ARHGEF12: variants seen among roughly 807,000 people sequenced by gnomAD.
The protein encoded by ARHGEF12 is Rho guanine nucleotide exchange factor 12, also known as KMT2A/ARHGEF12 fusion protein.
A neutral mutation model predicts 211.2 loss-of-function variants in ARHGEF12; 66 were observed. That is an observed-to-expected ratio of 0.31 (90% CI 0.26 to 0.38). ARHGEF12 has a LOEUF of 0.38. Among genes scored for constraint, ARHGEF12 ranks in the 10% least tolerant of loss-of-function variants. ARHGEF12 has a pLI of 1.00. For synonymous variants in ARHGEF12, 592 were observed against 638.4 expected, an observed-to-expected ratio of 0.93 and a Z score of 1.09; for missense variants, 1,429 against 1,869.5, an observed-to-expected ratio of 0.76 and a Z score of 4.34.
intron 1 of ARHGEF12, among the ~76,000 whole-genome samples, chr11:120,344,087 G>A (rs1166213872): frequency 6.6e-6 from 1 of 151,854 alleles, no homozygotes; most frequent in Non-Finnish European, 1.5e-5. Flanking sequence ...TCAGCATGGT[G>A]AAACCCTGTC....
At chr11:120,472,227 T>C (rs1946890112) in intron 30 of ARHGEF12, among the ~76,000 whole-genome samples, 1 of 152,114 alleles carries the variant, frequency 6.6e-6, no homozygotes, top group Non-Finnish European at 1.5e-5. Context: ...GAATATATTA[T>C]GCTACCATAT....
chr11:120,449,292 A>G lies in ARHGEF12; in HGVS notation c.1843+78A>G, dbSNP rs976145697. ...TCAGAGGCTTCTTCAGCTAGAATGA[A>G]TTTCTGGAGAAAGGAGTTGTTAGGA... On this transcript the variant is annotated intron_variant, in intron 21 of 40. Transcript: ENST00000397843. 3.4e-6 allele frequency: 4 copies of G among 1,159,454 alleles called. No individual in the cohort carries two copies. The Admixed American group carries it at 6.9e-5, about 20-fold the overall frequency. 71.8% of individuals were successfully genotyped at this position (1,159,454 alleles called of 1,614,324 possible).
Position 120,485,959 on chromosome 11 carries a change from C to G in ARHGEF12, c.*882C>G, listed in dbSNP as rs1947386975. The G allele has an allele frequency of 1.3e-5, 3 of 232,386 alleles. No individual in the cohort carries two copies. The highest frequency in any genetic ancestry group is 2.6e-5 in the Non-Finnish European group (3 of 117,358). 14.4% of individuals were successfully genotyped at this position (232,386 alleles called of 1,614,324 possible). ...ACTATAAATTTGTTATTCTTGGTAT[C>G]ATTTCATTTTTATAATTATACATTA... On this transcript the variant is annotated 3_prime_UTR_variant, in exon 41 of 41. Coordinates refer to ENST00000397843, the MANE Select transcript of ARHGEF12 (RefSeq NM_015313.3).
At position 120,465,096 on chromosome 11, in the gene ARHGEF12, A is replaced by G. The variant is rs1429294076; in HGVS notation, c.2614-141A>G. Reference sequence around the variant, plus strand: ...GATCAGACCTTTTTAATGGAGAACCATTGATATTCCACATAGATATGCAGT... The same window carrying G: ...GATCAGACCTTTTTAATGGAGAACCGTTGATATTCCACATAGATATGCAGT... On this transcript the variant is annotated intron_variant, in intron 27 of 40. Transcript: ENST00000397843. The G allele has an allele frequency of 5.1e-5, 53 of 1,037,122 alleles. No individual in the cohort carries two copies. In the South Asian group the frequency reaches 7.9e-4, roughly 16 times the overall value. The allele number at this position is 1,037,122 out of a possible 1,614,324, so 64.2% of individuals were successfully genotyped here.
chr11:120,429,953 G>A, intron 10 of ARHGEF12, 122 bp downstream of exon 10: 1 of 1,083,914 alleles, frequency 9.2e-7, no homozygotes, highest in Non-Finnish European at 1.3e-6. Context: ...ACAACAGGAT[G>A]TCCTGTTAAG....
chr11:120,386,384 G>T (rs1239139532), intron 1 of ARHGEF12, among the ~76,000 whole-genome samples: 1 of 152,110 alleles, frequency 6.6e-6, no homozygotes, highest in African/African-American at 2.4e-5. Flanking sequence ...AAGCATTTAA[G>T]TGCTACAGAC....
chr11:120,489,157 T>TTA lies in ARHGEF12; in HGVS notation c.*4080_*4081insTA, dbSNP rs890813576. 4.4e-6 allele frequency: 1 copy of TTA among 227,104 alleles called. No individual in the cohort carries two copies. Among genetic ancestry groups the TTA allele is most frequent in the African/African-American group, 2.2e-5 (1 of 44,986 alleles). 14.1% of individuals were successfully genotyped at this position (227,104 alleles called of 1,614,324 possible). A position where few individuals can be genotyped will look rare whatever the true frequency, so the allele number is the denominator to read the frequency against. On this transcript the variant is annotated 3_prime_UTR_variant, in exon 41 of 41. Transcript: ENST00000397843. ...AGTGACTGTCAGACATCTTCCTGCT[T>TTA]ATTAGAGCATCCCTAGCAACAAGGC... is the stretch of plus-strand genomic sequence containing the variant.
chr11:120,455,860 T>C (rs568647515), intron 22 of ARHGEF12, among the ~76,000 whole-genome samples: 1 of 152,298 alleles, frequency 6.6e-6, no homozygotes, highest in East Asian at 1.9e-4. Flanking sequence ...CATTTAGAAA[T>C]GTTAAGAAAA....
At position 120,457,221 on chromosome 11, in the gene ARHGEF12, A is replaced by G. The variant is rs1316111574; in HGVS notation, c.2160A>G (p.Gln720=). Residue 720 remains glutamine (Q), a synonymous_variant, in exon 23 of 41, where the codon CAA becomes CAG. Transcript: ENST00000397843. Reference sequence around the variant, plus strand: ...ATTTCCCACCACCTCCATTAGACCAAGTGCAGGAGGAGGAATGTGAAGTAG... The same window carrying G: ...ATTTCCCACCACCTCCATTAGACCAGGTGCAGGAGGAGGAATGTGAAGTAG... ...VFDFPPPPLD[Q]VQEEECEVER... The G allele has an allele frequency of 6.2e-7, 1 of 1,614,102 alleles. No individual in the cohort carries two copies. The highest frequency in any genetic ancestry group is 2.2e-5 in the East Asian group (1 of 44,876).
intron 12 of ARHGEF12, chr11:120,439,587 G>T (rs1430463928): frequency 6.6e-6 from 1 of 152,224 alleles, no homozygotes; most frequent in African/African-American, 2.4e-5. Context: ...CATAGAGTTC[G>T]ATGATAGCCT....
intron 1 of ARHGEF12, among the ~76,000 whole-genome samples, chr11:120,362,766 A>AT (rs1943311554): frequency 6.6e-6 from 1 of 152,222 alleles, no homozygotes; most frequent in South Asian, 2.1e-4. Flanking sequence ...AGGACAGTTT[A>AT]TACCAGAAAG....
At chr11:120,432,478 C>G (rs1210249242) in intron 11 of ARHGEF12, among the ~76,000 whole-genome samples, 1 of 152,070 alleles carries the variant, frequency 6.6e-6, no homozygotes, top group Non-Finnish European at 1.5e-5. Context: ...ATATGAATAC[C>G]TAAAAGCTAA....
At chr11:120,477,330 A>G (rs1268590020) in intron 35 of ARHGEF12, 25 bp downstream of exon 35, 1 of 1,611,488 alleles carries the variant, frequency 6.2e-7, no homozygotes, top group Non-Finnish European at 8.5e-7. Context: ...GCATTGTAGT[A>G]GGACTTATTT....
intron 11 of ARHGEF12, among the ~76,000 whole-genome samples, chr11:120,434,001 T>C (rs1945624010): frequency 6.6e-6 from 1 of 152,034 alleles, no homozygotes; most frequent in Non-Finnish European, 1.5e-5. Context: ...AGTATAGAAA[T>C]AGGCATTCCA....
At chr11:120,440,906 A>T (rs1945850335) in intron 13 of ARHGEF12, among the ~76,000 whole-genome samples, 1 of 152,164 alleles carries the variant, frequency 6.6e-6, no homozygotes, top group Non-Finnish European at 1.5e-5. Context: ...AGTTTTTATC[A>T]TCACTGGATG....
intron 1 of ARHGEF12, among the ~76,000 whole-genome samples, chr11:120,393,699 A>G (rs962680597): frequency 6.6e-6 from 1 of 152,220 alleles, no homozygotes; most frequent in Admixed American, 6.5e-5. Flanking sequence ...GAAAGGACAA[A>G]TAGACAAATC....
chr11:120,397,104 A>G (rs887428951), intron 1 of ARHGEF12, among the ~76,000 whole-genome samples: 3 of 152,246 alleles, frequency 2.0e-5, no homozygotes, highest in African/African-American at 7.2e-5. Context: ...GGATAGTATA[A>G]TAATTGCTAT....
chr11:120,443,302 G>A (rs1220213706), intron 15 of ARHGEF12, among the ~76,000 whole-genome samples: 1 of 152,132 alleles, frequency 6.6e-6, no homozygotes, highest in Non-Finnish European at 1.5e-5. Flanking sequence ...TTACAGGCAT[G>A]AGCCACCGCA....
chr11:120,467,606 C>CT (rs71050748), intron 29 of ARHGEF12, among the ~76,000 whole-genome samples: 22,980 of 106,850 alleles, frequency 0.22, 3,378 homozygotes, highest in African/African-American at 0.35. Flanking sequence ...CCACACTTGG[C>CT]TTTTTTTTTT....
Sources: allele counts gnomAD v4.1 joint callset (sites outside exome capture counted in the v4.1 genomes callset), GRCh38; gene constraint gnomAD v4.1.1; transcripts MANE v1.5; gene names NCBI Gene and HGNC (gene_info 2026-07-23, HGNC 2026-07-21).